HECTD4: variants seen among roughly 807,000 people sequenced by gnomAD.
HECTD4 encodes probable E3 ubiquitin-protein ligase HECTD4.
HECTD4 carries 114 observed loss-of-function variants against 471.5 expected under a neutral mutation model. The ratio of observed to expected loss-of-function variants is 0.24; its 90% CI spans 0.21 to 0.28. The LOEUF (loss-of-function observed/expected upper bound fraction) is 0.28. Ranked by LOEUF, HECTD4 falls within the 10% of genes least tolerant of loss-of-function variation. The pLI is 1.00. For synonymous variants in HECTD4, 2,012 were observed against 2,256.0 expected (o/e 0.89, Z 3.07); for missense variants, 3,866 against 5,651.5 (o/e 0.68, Z 10.13).
chr12:112,358,135 C>T (rs1037239939), intron 1 of HECTD4, among the ~76,000 whole-genome samples: 2 of 151,982 alleles, frequency 1.3e-5, no homozygotes, highest in Non-Finnish European at 2.9e-5. Context: ...ACCTGGGAGG[C>T]GTAGGTTGCA....
intron 43 of HECTD4, 125 bp downstream of exon 43, chr12:112,227,964 T>C (rs1300444707): frequency 2.5e-6 from 2 of 811,834 alleles, no homozygotes; most frequent in Non-Finnish European, 3.7e-6. Flanking sequence ...TTACTGTTGC[T>C]CAGTTTAGTG....
intron 62 of HECTD4, among the ~76,000 whole-genome samples, chr12:112,180,531 TA>T (rs35992099): frequency 4.4e-4 from 61 of 140,098 alleles, no homozygotes; most frequent in Admixed American, 5.0e-4. Context: ...TGAGACTGTT[TA>T]AAAAAAAAAA....
intron 59 of HECTD4, among the ~76,000 whole-genome samples, chr12:112,191,427 G>A (rs2032075420): frequency 6.6e-6 from 1 of 152,166 alleles, no homozygotes; most frequent in Non-Finnish European, 1.5e-5. Context: ...CTGGCACCTT[G>A]GGTTTTGATT....
chr12:112,199,492 T>C (rs1306609222), intron 55 of HECTD4, among the ~76,000 whole-genome samples: 3 of 152,210 alleles, frequency 2.0e-5, no homozygotes, highest in Non-Finnish European at 4.4e-5. Context: ...GTCAACATCA[T>C]GAGAAATTGT....
At chr12:112,233,574 G>T (rs1256643195) in intron 37 of HECTD4, among the ~76,000 whole-genome samples, 2 of 151,976 alleles carry the variant, frequency 1.3e-5, no homozygotes, top group Non-Finnish European at 2.9e-5. Context: ...TTTTCAAAAA[G>T]GAAATAATTT....
intron 1 of HECTD4, among the ~76,000 whole-genome samples, chr12:112,370,023 G>C (rs1175960631): frequency 1.3e-5 from 2 of 152,178 alleles, no homozygotes. Context: ...TTAAGTTAAA[G>C]ATCTTGAGAT....
At chr12:112,214,838 G>A (rs2032869147) in intron 48 of HECTD4, among the ~76,000 whole-genome samples, 1 of 152,100 alleles carries the variant, frequency 6.6e-6, no homozygotes, top group Admixed American at 6.6e-5. Context: ...GTCATAGTAT[G>A]ACTTGGCTTG....
Position 112,222,604 on chromosome 12 carries a change from T to C in HECTD4, c.6971-3115A>G, listed in dbSNP as rs114486699. ...ATCACCTGAACCTGGGAGGCAGAGA[T>C]TGTAGTGAGCTAAGATCGTGCCACC... On this transcript the variant is annotated intron_variant, in intron 44 of 75. Transcript: ENST00000682272. 0.055 allele frequency among the ~76,000 whole-genome samples: 8,428 copies of C among 152,170 alleles called. 1,284 individuals are homozygous for C. The East Asian group carries it at 0.61, about 11-fold the overall frequency.
chr12:112,297,429 C>T (rs1234735037), intron 7 of HECTD4, among the ~76,000 whole-genome samples: 1 of 151,754 alleles, frequency 6.6e-6, no homozygotes. Context: ...GATGGCAGTA[C>T]AGAGGGTGTA....
In HECTD4 at chr12:112,229,901, T is replaced by C. The variant is rs180981210; in HGVS notation, c.6337-21A>G. 6.3e-6 allele frequency: 10 copies of C among 1,597,288 alleles called. No individual in the cohort carries two copies. The East Asian group carries it at 1.6e-4, about 25-fold the overall frequency. Reference sequence around the variant, plus strand: ...AGAACCTAAATATAGAAGCAGCCCGTGCACTAGGAGTTAAAGCTTTGGTTG... The same window carrying C: ...AGAACCTAAATATAGAAGCAGCCCGCGCACTAGGAGTTAAAGCTTTGGTTG... On this transcript the variant is annotated intron_variant, in intron 40 of 75. Coordinates refer to ENST00000682272, the MANE Select transcript of HECTD4 (RefSeq NM_001388303.1).
chr12:112,353,286 T>C (rs781134497), intron 1 of HECTD4, among the ~76,000 whole-genome samples: 5 of 152,228 alleles, frequency 3.3e-5, no homozygotes, highest in Non-Finnish European at 5.9e-5. Flanking sequence ...AGGGATTCTT[T>C]CTAAGTATCT....
At position 112,382,375 on chromosome 12, in the gene HECTD4, C is replaced by A; in HGVS notation, c.-247G>T. 1 of 358,210 alleles carries A rather than the reference C, an allele frequency of 2.8e-6. No homozygotes were observed. The allele number at this position is 358,210 out of a possible 1,614,324, so 22.2% of individuals were successfully genotyped here. A position where few individuals can be genotyped will look rare whatever the true frequency, so the allele number is the denominator to read the frequency against. ...CCGCCGCCGCCCTCAGGAGCAGGAT[C>A]CGCCTCTGCCGCTCGGCAACCAACT... On this transcript the variant is annotated 5_prime_UTR_variant, in exon 1 of 76. Transcript: ENST00000682272.
chr12:112,210,281 G>C (rs369218186), intron 49 of HECTD4, 29 bp from the exon 50 acceptor site: 1 of 1,603,834 alleles, frequency 6.2e-7, no homozygotes, highest in Non-Finnish European at 8.5e-7. Flanking sequence ...GAAGGATTTG[G>C]AAAGACTTAC....
chr12:112,381,390 G>A lies in HECTD4; in HGVS notation c.177+562C>T, dbSNP rs1349571323. On this transcript the variant is annotated intron_variant, in intron 1 of 75. Transcript: ENST00000682272. This position sits in a 1 kb window ranked among gnomAD's most constrained non-coding sequence, Gnocchi z 4.1. ...CCCGCTTCCCTGACAAAGGCCCCGT[G>A]TCAATCCATCCGAGACACAACACAG... is the stretch of plus-strand genomic sequence containing the variant. Among the ~76,000 whole-genome samples the A allele has an allele frequency of 1.3e-5, 2 of 152,078 alleles. No homozygotes were observed. Among genetic ancestry groups the A allele is most frequent in the Non-Finnish European group, 2.9e-5 (2 of 68,008 alleles).
chr12:112,311,815 G>A (rs1188186925), intron 4 of HECTD4, among the ~76,000 whole-genome samples: 4 of 152,106 alleles, frequency 2.6e-5, no homozygotes, highest in Non-Finnish European at 5.9e-5. Flanking sequence ...CAAGAAAGAA[G>A]TTTTAGTTCT....
intron 1 of HECTD4, among the ~76,000 whole-genome samples, chr12:112,367,676 C>A (rs1174836799): frequency 1.3e-5 from 2 of 151,692 alleles, no homozygotes; most frequent in Non-Finnish European, 2.9e-5. Context: ...AAAAATTTAG[C>A]TGGGTGTGGT....
At chr12:112,165,215 CCT>C (rs928987067) in intron 72 of HECTD4, among the ~76,000 whole-genome samples, 3 of 151,570 alleles carry the variant, frequency 2.0e-5, no homozygotes, top group Admixed American at 6.6e-5. Context: ...CCGCGCCTGT[CCT>C]CTTTCTTTTT....
Position 112,228,145 on chromosome 12 carries a change from T to C in HECTD4, c.6798A>G (p.Gly2266=). The stretch of plus-strand genomic sequence containing the variant: ...CTGCCATCACAGGAGCTGACCCATC[T>C]CCTGTTGCAGGAAGTGAGGTGTGAA... ...LSIHTSLPAT[G]DGSAPVMAVV... is the part of the protein sequence containing the mutation. The change falls in exon 43 of 76, where the codon GGA becomes GGG. Residue 2266 remains glycine (G), a synonymous_variant. Transcript: ENST00000682272. The surrounding 1 kb of genome is among the most constrained non-coding windows in gnomAD (Gnocchi z 4.9). The C allele has an allele frequency of 6.2e-7, 1 of 1,613,878 alleles. No homozygotes were observed. The highest frequency in any genetic ancestry group is 8.5e-7 in the Non-Finnish European group (1 of 1,179,846).
chr12:112,301,636 T>C (rs2035166576), intron 7 of HECTD4, among the ~76,000 whole-genome samples: 1 of 152,242 alleles, frequency 6.6e-6, no homozygotes, highest in Admixed American at 6.5e-5. Context: ...CTTTCTGAAA[T>C]ATTTCTTAAC....
Sources: gnomAD v4.1 joint callset for allele counts (sites outside exome capture counted in the v4.1 genomes callset) on GRCh38, gnomAD v4.1.1 for gene constraint, Gnocchi (gnomAD v3.1) non-coding constraint, MANE v1.5 for transcripts, NCBI Gene and HGNC (gene_info 2026-07-23, HGNC 2026-07-21) for gene names.